LDLRAP1: variants seen among roughly 807,000 people sequenced by gnomAD.
LDLRAP1 encodes the protein low density lipoprotein receptor adaptor protein 1.
Under a neutral mutation model 37.8 loss-of-function variants are expected in LDLRAP1, and 30 were observed. The ratio of observed to expected loss-of-function variants is 0.79; its 90% confidence interval spans 0.59 to 1.08. The LOEUF (loss-of-function observed/expected upper bound fraction) is 1.08, where lower values mean the gene tolerates loss of function less well. Ranked by LOEUF, LDLRAP1 falls within the 50% of genes least tolerant of loss-of-function variation. The pLI is 0.00. For synonymous variants in LDLRAP1, 156 were observed against 169.8 expected (o/e 0.92, Z 0.63); for missense variants, 375 against 401.6 (o/e 0.93, Z 0.57).
At chr1:25,581,165 G>A in the LDLRAP1 span, among the ~76,000 whole-genome samples, 7 of 152,158 alleles carry the variant, frequency 4.6e-5, no homozygotes, top group Admixed American at 2.6e-4. Context: ...AGGAACATGT[G>A]TTCTCTGCCG....
chr1:25,553,077 G>C (rs1043631919), intron 1 of LDLRAP1, among the ~76,000 whole-genome samples: 2 of 151,634 alleles, frequency 1.3e-5, no homozygotes, highest in Admixed American at 6.6e-5. Flanking sequence ...CTGGGCTACT[G>C]TCTCCTGCCC....
chr1:25,575,106 C>A, the LDLRAP1 span, among the ~76,000 whole-genome samples: 1 of 152,208 alleles, frequency 6.6e-6, no homozygotes, highest in Non-Finnish European at 1.5e-5. Context: ...AACTCAGAGA[C>A]CCTTTCTTCG....
At chr1:25,564,717 C>T (rs748931745) in intron 7 of LDLRAP1, 7 of 192,194 alleles carry the variant, frequency 3.6e-5, no homozygotes, top group Non-Finnish European at 5.5e-5. Context: ...TCAGTTATCC[C>T]TCATGAACTT....
the LDLRAP1 span, among the ~76,000 whole-genome samples, chr1:25,578,217 CA>C: frequency 6.6e-5 from 10 of 152,160 alleles, no homozygotes; most frequent in Non-Finnish European, 1.2e-4. Context: ...TGACTAAAGA[CA>C]AAAATCAAGC....
the LDLRAP1 span, among the ~76,000 whole-genome samples, chr1:25,588,310 T>C: frequency 0.1 from 15,204 of 152,120 alleles, 1,679 homozygotes; most frequent in East Asian, 0.24. Flanking sequence ...GAGGAAGGAA[T>C]GCCTCTTTGC....
At chr1:25,557,850 T>G (rs1236516564) in intron 4 of LDLRAP1, among the ~76,000 whole-genome samples, 1 of 151,914 alleles carries the variant, frequency 6.6e-6, no homozygotes, top group Non-Finnish European at 1.5e-5. Flanking sequence ...CTCACGGCTC[T>G]GCAAGGTGGC....
At chr1:25,586,247 C>T in the LDLRAP1 span, among the ~76,000 whole-genome samples, 6 of 152,166 alleles carry the variant, frequency 3.9e-5, no homozygotes, top group Non-Finnish European at 7.3e-5. This position sits in a 1 kb window ranked among gnomAD's most constrained non-coding sequence, Gnocchi z 4.3. Context: ...GAAGAGAAAG[C>T]GCGACCAAGA....
At chr1:25,588,122 T>G in the LDLRAP1 span, among the ~76,000 whole-genome samples, 1 of 152,134 alleles carries the variant, frequency 6.6e-6, no homozygotes, top group South Asian at 2.1e-4. Context: ...TAATCTCAAG[T>G]ACCCAGGGAC....
intron 1 of LDLRAP1, among the ~76,000 whole-genome samples, chr1:25,549,318 G>A (rs2044013631): frequency 6.6e-6 from 1 of 152,208 alleles, no homozygotes; most frequent in African/African-American, 2.4e-5. Flanking sequence ...ACCAGGCTGG[G>A]GGAGGCTGGA....
the LDLRAP1 span, among the ~76,000 whole-genome samples, chr1:25,577,889 C>T: frequency 3.3e-5 from 5 of 152,236 alleles, no homozygotes; most frequent in Admixed American, 1.3e-4. Flanking sequence ...GCCTGGCCCA[C>T]GTCAGTGCGT....
rs1032196624 is a variant in LDLRAP1, at chr1:25,568,862, T to A, written c.*1870T>A. ...ACTTTAATGAGGAAAAAACAAATAA[T>A]AAATGTTCTCGTTTTGAAACTCAAG... is the stretch of plus-strand genomic sequence containing the variant. On this transcript the variant is annotated 3_prime_UTR_variant, in exon 9 of 9. Transcript: ENST00000374338. 9 of 152,238 alleles carry A rather than the reference T, an allele frequency of 5.9e-5. No individual in the cohort carries two copies. The highest frequency in any genetic ancestry group is 2.2e-4 in the African/African-American group (9 of 41,456). 9.4% of individuals were successfully genotyped at this position (152,238 alleles called of 1,614,324 possible).
At chr1:25,551,784 A>G (rs2044076958) in intron 1 of LDLRAP1, among the ~76,000 whole-genome samples, 1 of 151,546 alleles carries the variant, frequency 6.6e-6, no homozygotes, top group Admixed American at 6.6e-5. Context: ...AGGCCCAGGG[A>G]TGAGATCTAG....
In LDLRAP1 at chr1:25,563,802, G is replaced by A. The variant is rs868577074; in HGVS notation, c.747+11G>A. 2.5e-6 allele frequency: 4 copies of A among 1,613,532 alleles called. No homozygotes were observed. Among genetic ancestry groups the A allele is most frequent in the Middle Eastern group, 1.7e-4 (1 of 6,060 alleles). ...AGCAGTGTTGTCTGGGTGAGTGGTT[G>A]TGTGGCCAGCAGATCGGTGATCCTC... On this transcript the variant is annotated intron_variant, in intron 7 of 8. Transcript: ENST00000374338.
rs1022239015 is a variant in LDLRAP1 at position 25,544,108 on chromosome 1, C to G, written c.88+322C>G. Among the ~76,000 whole-genome samples the G allele has an allele frequency of 1.3e-5, 2 of 152,184 alleles. No individual in the cohort carries two copies. Among genetic ancestry groups the G allele is most frequent in the East Asian group, 3.9e-4 (2 of 5,170 alleles). Reference sequence around the variant, plus strand: ...CCCGCCACCCGCGGCACCTCCCGCCCTGCTGTCCTGGCCAGCTAGGGGGAG... The same window carrying G: ...CCCGCCACCCGCGGCACCTCCCGCCGTGCTGTCCTGGCCAGCTAGGGGGAG... On this transcript the variant is annotated intron_variant, in intron 1 of 8. Transcript: ENST00000374338. This position sits in a 1 kb window ranked among gnomAD's most constrained non-coding sequence, Gnocchi z 4.8.
intron 1 of LDLRAP1, among the ~76,000 whole-genome samples, chr1:25,550,901 TGACC>T (rs1387401676): frequency 3.9e-5 from 6 of 152,030 alleles, no homozygotes; most frequent in Admixed American, 2.0e-4. Flanking sequence ...AGATCACCAG[TGACC>T]TTGGCAGGCT....
the LDLRAP1 span, among the ~76,000 whole-genome samples, chr1:25,585,061 G>A: frequency 6.6e-6 from 1 of 152,218 alleles, no homozygotes; most frequent in Non-Finnish European, 1.5e-5. Flanking sequence ...TGGCACATGG[G>A]GAGATGGGAA....
intron 1 of LDLRAP1, 99 bp from the exon 2 acceptor site, chr1:25,553,823 C>G (rs2044133873): frequency 8.2e-6 from 12 of 1,463,066 alleles, no homozygotes; most frequent in Non-Finnish European, 1.1e-5. Context: ...ACCCCCATCC[C>G]CCTTGCTGGG....
the LDLRAP1 span, among the ~76,000 whole-genome samples, chr1:25,584,434 AT>A: frequency 6.6e-6 from 1 of 151,610 alleles, no homozygotes; most frequent in East Asian, 1.9e-4. Flanking sequence ...CCACCCTGCC[AT>A]TTCTCTCCAC....
chr1:25,553,024 G>T (rs72873734), intron 1 of LDLRAP1, among the ~76,000 whole-genome samples: 4 of 152,140 alleles, frequency 2.6e-5, no homozygotes, highest in Non-Finnish European at 5.9e-5. Flanking sequence ...TTGGGAAATC[G>T]CCTTCTCCTC....
Sources: gnomAD v4.1 joint callset for allele counts (sites outside exome capture counted in the v4.1 genomes callset) on GRCh38, gnomAD v4.1.1 for gene constraint, Gnocchi (gnomAD v3.1) non-coding constraint, MANE v1.5 for transcripts, NCBI Gene and HGNC (gene_info 2026-07-23, HGNC 2026-07-21) for gene names.